TCF12: variants seen among roughly 807,000 people sequenced by gnomAD.
The protein encoded by TCF12 is transcription factor 12.
In TCF12, 45 loss-of-function variants were observed where a neutral mutation model predicts 86.0. That is an observed-to-expected ratio of 0.52 (90% CI 0.41 to 0.67). The LOEUF (loss-of-function observed/expected upper bound fraction) is 0.67, where lower values mean the gene tolerates loss of function less well. TCF12 is among the 30% of genes least tolerant of loss of function. TCF12 has a pLI of 0.00. For synonymous variants in TCF12, 330 were observed against 299.6 expected (o/e 1.10, Z -1.05); for missense variants, 881 against 859.9 (o/e 1.02, Z -0.31).
intron 8 of TCF12, chr15:57,214,513 G>A (rs1460846622): frequency 6.6e-6 from 1 of 152,112 alleles, no homozygotes; most frequent in African/African-American, 2.4e-5. Flanking sequence ...GGCTATATAG[G>A]TAGGTGTTTT....
intron 3 of TCF12, among the ~76,000 whole-genome samples, chr15:56,975,175 A>T (rs1354529392): frequency 6.6e-6 from 1 of 152,118 alleles, no homozygotes; most frequent in Non-Finnish European, 1.5e-5. Flanking sequence ...TGATTAGTAG[A>T]TTAAGTTCAT....
intron 5 of TCF12, among the ~76,000 whole-genome samples, chr15:57,160,210 ATT>A (rs2054399542): frequency 2.0e-5 from 3 of 152,242 alleles, no homozygotes; most frequent in African/African-American, 7.2e-5. Context: ...AAGAGGTTTA[ATT>A]GACTCACAGT....
intron 3 of TCF12, among the ~76,000 whole-genome samples, chr15:56,940,259 A>G (rs1369331151): frequency 6.6e-6 from 1 of 152,116 alleles, no homozygotes; most frequent in Admixed American, 6.6e-5. Flanking sequence ...GTCTTATTTA[A>G]TGGAATTATG....
chr15:57,231,376 C>A, intron 9 of TCF12, 119 bp downstream of exon 9: 1 of 715,262 alleles, frequency 1.4e-6, no homozygotes, highest in Non-Finnish European at 2.3e-6. Flanking sequence ...TTTTTTTTGG[C>A]TAAATTAAAA....
chr15:57,072,036 A>C (rs2069438832), intron 4 of TCF12, among the ~76,000 whole-genome samples: 1 of 152,330 alleles, frequency 6.6e-6, no homozygotes, highest in Non-Finnish European at 1.5e-5. Flanking sequence ...TATACACAAA[A>C]TGTTTTATAA....
In TCF12 at chr15:57,153,167, A is replaced by G. The variant is rs190273267; in HGVS notation, c.326-13235A>G. Among the ~76,000 whole-genome samples the G allele has an allele frequency of 2.0e-5, 3 of 152,352 alleles. No individual in the cohort carries two copies. In the East Asian group the frequency reaches 5.8e-4, roughly 29 times the overall value. On this transcript the variant is annotated intron_variant, in intron 5 of 20. Transcript: ENST00000333725. ...TGAGAAAATCCATTCCCAGCAGACT[A>G]CAATAACTGCTGGAGTAAGTTCTTC...
intron 5 of TCF12, among the ~76,000 whole-genome samples, chr15:57,132,861 T>A (rs2052238919): frequency 6.6e-6 from 1 of 152,216 alleles, no homozygotes; most frequent in South Asian, 2.1e-4. Context: ...TCTGCCTATG[T>A]CTAATTATAG....
intron 20 of TCF12, among the ~76,000 whole-genome samples, chr15:57,285,034 T>C (rs1372734205): frequency 3.3e-5 from 5 of 152,240 alleles, no homozygotes; most frequent in African/African-American, 1.2e-4. Context: ...TAGGCTAGTG[T>C]TTGTCATCTT....
chr15:57,171,173 C>G (rs185498825), intron 6 of TCF12, among the ~76,000 whole-genome samples: 3 of 150,110 alleles, frequency 2.0e-5, no homozygotes, highest in African/African-American at 4.9e-5. Flanking sequence ...ATGTTTGATA[C>G]AAAATAACAA....
intron 4 of TCF12, among the ~76,000 whole-genome samples, chr15:57,064,098 A>G (rs978858729): frequency 1.5e-4 from 23 of 152,154 alleles, no homozygotes; most frequent in African/African-American, 4.1e-4. Context: ...AGTGCTCTCC[A>G]TATGTATTTA....
intron 18 of TCF12, among the ~76,000 whole-genome samples, chr15:57,271,213 G>A (rs181217779): frequency 2.0e-3 from 302 of 152,308 alleles, no homozygotes; most frequent in Non-Finnish European, 3.3e-3. Context: ...GCTAGGCTGC[G>A]GTGGGCTCCG....
Position 57,231,193 on chromosome 15 carries a change from A to C in TCF12, c.621A>C (p.Glu207Asp). The change falls in exon 9 of 21, where the codon GAA becomes GAC. Residue 207 changes from glutamate (E) to aspartate (D), a missense_variant. By Grantham distance (45) the Glu-to-Asp change is conservative. Around this residue, in one of 3 missense-constraint regions of TCF12, gnomAD observed 766 missense variants for 718.9 expected, o/e 1.07. Transcript: ENST00000333725. ...CAAATTCAGATGATTTCAACCGTGAATCTCCTAGTTATCCATCTCCTAAGC... is the reference window on the plus strand; with the variant it reads ...CAAATTCAGATGATTTCAACCGTGACTCTCCTAGTTATCCATCTCCTAAGC... ...PSPNSDDFNR[E>D]SPSYPSPKPP... The C allele has an allele frequency of 6.2e-7, 1 of 1,613,208 alleles. No homozygotes were observed. Among genetic ancestry groups the C allele is most frequent in the Non-Finnish European group, 8.5e-7 (1 of 1,179,360 alleles).
At chr15:57,112,675 A>C (rs1033191589) in intron 5 of TCF12, among the ~76,000 whole-genome samples, 1 of 152,170 alleles carries the variant, frequency 6.6e-6, no homozygotes, top group African/African-American at 2.4e-5. Context: ...TTTTCCTGTA[A>C]GAGTTTTACT....
chr15:56,967,396 G>A (rs2062058171), intron 3 of TCF12, among the ~76,000 whole-genome samples: 2 of 152,028 alleles, frequency 1.3e-5, no homozygotes, highest in Admixed American at 6.6e-5. Flanking sequence ...ACATTTTTTG[G>A]TATTGGATGG....
chr15:57,254,100 T>C (rs1474960107), intron 16 of TCF12, among the ~76,000 whole-genome samples: 1 of 152,214 alleles, frequency 6.6e-6, no homozygotes, highest in Non-Finnish European at 1.5e-5. Context: ...AAATTATCTT[T>C]TAAAGAAATG....
chr15:57,011,894 A>G (rs569005886), intron 3 of TCF12, among the ~76,000 whole-genome samples: 3 of 152,328 alleles, frequency 2.0e-5, no homozygotes, highest in East Asian at 3.9e-4. Context: ...TTTGAGAAAC[A>G]GCTATGAAAA....
chr15:57,027,288 C>T (rs1296733109), intron 3 of TCF12, among the ~76,000 whole-genome samples: 2 of 152,136 alleles, frequency 1.3e-5, no homozygotes, highest in African/African-American at 4.8e-5. Context: ...TTACCTTTGG[C>T]CTGTTGTAGA....
chr15:57,030,000 A>G (rs963557031), intron 3 of TCF12, among the ~76,000 whole-genome samples: 37 of 152,102 alleles, frequency 2.4e-4, no homozygotes, highest in Non-Finnish European at 4.3e-4. Context: ...TGTTTTTTAT[A>G]GTTTTTGGAG....
chr15:57,195,873 C>T (rs959936383), intron 7 of TCF12, among the ~76,000 whole-genome samples: 5 of 152,198 alleles, frequency 3.3e-5, no homozygotes, highest in African/African-American at 1.2e-4. Context: ...GGTGCGGTGG[C>T]ACACACCTGT....
Sources: gnomAD v4.1 joint callset for allele counts (sites outside exome capture counted in the v4.1 genomes callset) on GRCh38, gnomAD v4.1.1 for gene constraint, gnomAD v4.1.1 regional missense constraint, MANE v1.5 for transcripts, NCBI Gene and HGNC (gene_info 2026-07-23, HGNC 2026-07-21) for gene names.